TENM3: variants seen among roughly 807,000 people sequenced by gnomAD.
TENM3 encodes the protein teneurin transmembrane protein 3, also known as teneurin-3.
A neutral mutation model predicts 255.1 loss-of-function variants in TENM3; 63 were observed. The ratio of observed to expected loss-of-function variants is 0.25; its 90% CI spans 0.20 to 0.30. The LOEUF is 0.30. TENM3 is among the 10% of genes least tolerant of loss of function. The probability of loss-of-function intolerance (pLI) is 1.00; values close to 1 mark genes in which losing one functional copy is unlikely to be tolerated. For synonymous variants in TENM3, 1,306 were observed against 1,322.3 expected (o/e 0.99, Z 0.27); for missense variants, 2,929 against 3,461.1 (o/e 0.85, Z 3.86).
intron 3 of TENM3, among the ~76,000 whole-genome samples, chr4:182,495,577 G>A (rs1425192649): frequency 6.6e-6 from 1 of 152,114 alleles, no homozygotes; most frequent in Non-Finnish European, 1.5e-5. Context: ...TATTTTTAAT[G>A]GATATTTGTG....
At chr4:181,480,424 A>G in the TENM3 span, among the ~76,000 whole-genome samples, 4 of 152,274 alleles carry the variant, frequency 2.6e-5, no homozygotes, top group East Asian at 7.7e-4. Context: ...TTTAACTTTT[A>G]CTGACACTTG....
chr4:182,564,265 A>G (rs1743525365), intron 3 of TENM3, among the ~76,000 whole-genome samples: 1 of 151,990 alleles, frequency 6.6e-6, no homozygotes. Context: ...ACTTCCACAC[A>G]AAATGAATCC....
chr4:182,191,162 T>G (rs1257240547), intron 1 of TENM3, among the ~76,000 whole-genome samples: 2 of 152,226 alleles, frequency 1.3e-5, no homozygotes, highest in Non-Finnish European at 2.9e-5. Context: ...TTTACTGAAA[T>G]GTCATTTGTA....
the TENM3 span, among the ~76,000 whole-genome samples, chr4:181,682,323 G>A: frequency 0.019 from 2,948 of 152,116 alleles, 108 homozygotes; most frequent in African/African-American, 0.068. Context: ...GTGACAGCAG[G>A]GTTTTTCCAA....
the TENM3 span, among the ~76,000 whole-genome samples, chr4:181,961,224 G>A: frequency 6.6e-6 from 1 of 152,170 alleles, no homozygotes; most frequent in African/African-American, 2.4e-5. Context: ...AAATAAAGGA[G>A]AAAAGGTCAA....
At chr4:182,372,850 T>A (rs1766933342) in intron 3 of TENM3, among the ~76,000 whole-genome samples, 2 of 152,220 alleles carry the variant, frequency 1.3e-5, no homozygotes, top group South Asian at 4.1e-4. Context: ...CACCTCAGCC[T>A]CCTGAGTAGC....
the TENM3 span, among the ~76,000 whole-genome samples, chr4:181,788,845 G>A: frequency 2.0e-5 from 3 of 152,106 alleles, no homozygotes; most frequent in African/African-American, 4.8e-5. Context: ...CAATCCCTCC[G>A]TCTCAGCTTT....
At chr4:182,167,280 C>A (rs1386815025) in intron 1 of TENM3, among the ~76,000 whole-genome samples, 1 of 152,062 alleles carries the variant, frequency 6.6e-6, no homozygotes, top group Non-Finnish European at 1.5e-5. Context: ...AAAAGGGATG[C>A]CTTTTTTCCT....
At chr4:182,203,312 C>G (rs1268046066) in intron 1 of TENM3, among the ~76,000 whole-genome samples, 1 of 152,102 alleles carries the variant, frequency 6.6e-6, no homozygotes. Flanking sequence ...AAACTCACAC[C>G]CCCAACTTCA....
At chr4:181,525,931 T>C in the TENM3 span, among the ~76,000 whole-genome samples, 7 of 152,180 alleles carry the variant, frequency 4.6e-5, no homozygotes. Context: ...TGGGCTGATT[T>C]TTTTCCAGTG....
chr4:181,992,054 G>A, the TENM3 span, among the ~76,000 whole-genome samples: 1 of 152,060 alleles, frequency 6.6e-6, no homozygotes, highest in Non-Finnish European at 1.5e-5. Context: ...ACCAAACCGT[G>A]TGTGTTCATC....
the TENM3 span, among the ~76,000 whole-genome samples, chr4:181,652,833 T>C: frequency 1.1e-3 from 173 of 152,342 alleles, 2 homozygotes; most frequent in Admixed American, 3.7e-3. Flanking sequence ...AATTGCTCAG[T>C]TTCTAAAGTC....
At chr4:182,412,224 T>TG (rs1383131082) in intron 3 of TENM3, among the ~76,000 whole-genome samples, 1 of 152,034 alleles carries the variant, frequency 6.6e-6, no homozygotes, top group African/African-American at 2.4e-5. Flanking sequence ...CTTCCAGACT[T>TG]GGAGACTGGA....
the TENM3 span, among the ~76,000 whole-genome samples, chr4:181,594,975 T>A: frequency 6.6e-6 from 1 of 152,138 alleles, no homozygotes; most frequent in East Asian, 1.9e-4. Context: ...GAAAGGCCCA[T>A]ACCTCTGTGT....
intron 3 of TENM3, among the ~76,000 whole-genome samples, chr4:182,535,357 G>C (rs544367997): frequency 6.6e-6 from 1 of 152,254 alleles, no homozygotes; most frequent in Non-Finnish European, 1.5e-5. Flanking sequence ...TGTGATTATT[G>C]TATTCTTCTC....
chr4:182,136,346 G>A, the TENM3 span, among the ~76,000 whole-genome samples: 1 of 152,042 alleles, frequency 6.6e-6, no homozygotes, highest in Non-Finnish European at 1.5e-5. Flanking sequence ...CCTCTGATTT[G>A]AAGCATGCTA....
chr4:181,501,855 A>G, the TENM3 span, among the ~76,000 whole-genome samples: 35,081 of 152,204 alleles, frequency 0.23, 4,337 homozygotes, highest in East Asian at 0.45. Flanking sequence ...GTCTGAGGAC[A>G]TAGATGCCAT....
At chr4:181,831,755 T>C in the TENM3 span, among the ~76,000 whole-genome samples, 1 of 152,164 alleles carries the variant, frequency 6.6e-6, no homozygotes, top group Non-Finnish European at 1.5e-5. Context: ...TCAAGCAGTA[T>C]TGCTTGTGTT....
At chr4:182,596,602 G>T (rs532965461) in intron 3 of TENM3, among the ~76,000 whole-genome samples, 98 of 152,296 alleles carry the variant, frequency 6.4e-4, no homozygotes, top group African/African-American at 2.2e-3. Context: ...AAGCAACTCT[G>T]CCTAAGTAGA....
Sources: gnomAD v4.1 joint callset for allele counts (sites outside exome capture counted in the v4.1 genomes callset) on GRCh38, gnomAD v4.1.1 for gene constraint, MANE v1.5 for transcripts, NCBI Gene and HGNC (gene_info 2026-07-23, HGNC 2026-07-21) for gene names.